The following FMN1 variants were observed in gnomAD, a reference collection of about 807,000 sequenced individuals.
The protein encoded by FMN1 is formin 1, also known as formin-1.
A neutral mutation model predicts 132.4 loss-of-function variants in FMN1; 110 were observed. The observed-to-expected ratio is 0.83, with a 90% confidence interval of 0.71 to 0.97. The LOEUF is 0.97. Among genes scored for constraint, FMN1 ranks in the 50% least tolerant of loss-of-function variants. The pLI is 0.00. For missense variants in FMN1, 1,792 were observed against 1,705.3 expected, an observed-to-expected ratio of 1.05 and a Z score of -0.90; for synonymous variants, 722 against 651.7, an observed-to-expected ratio of 1.11 and a Z score of -1.64.
intron 5 of FMN1, among the ~76,000 whole-genome samples, chr15:33,073,826 G>A (rs1432849852): frequency 1.3e-5 from 2 of 150,858 alleles, no homozygotes; most frequent in Non-Finnish European, 2.9e-5. Flanking sequence ...ACCTCCCCTT[G>A]CTCAAATGAT....
chr15:33,050,993 T>C (rs921419857), intron 6 of FMN1, among the ~76,000 whole-genome samples: 7 of 152,186 alleles, frequency 4.6e-5, no homozygotes, highest in African/African-American at 1.7e-4. Flanking sequence ...TGTGTGGAAA[T>C]ATTTTGTGAT....
chr15:32,848,252 T>C (rs2058907642), intron 17 of FMN1, among the ~76,000 whole-genome samples: 1 of 152,166 alleles, frequency 6.6e-6, no homozygotes, highest in Non-Finnish European at 1.5e-5. Context: ...ACTGAAGTGA[T>C]GATGGAAGCA....
At chr15:32,896,614 CTTTCAG>C (rs1436614122) in intron 15 of FMN1, among the ~76,000 whole-genome samples, 2 of 151,926 alleles carry the variant, frequency 1.3e-5, no homozygotes, top group Non-Finnish European at 2.9e-5. Context: ...CTTTCTGTTC[CTTTCAG>C]TTTGACTACT....
At chr15:33,073,233 C>T (rs984781350) in intron 5 of FMN1, among the ~76,000 whole-genome samples, 10 of 152,142 alleles carry the variant, frequency 6.6e-5, no homozygotes, top group African/African-American at 1.4e-4. Flanking sequence ...CAAACAGGAT[C>T]GCATCTCACT....
chr15:33,128,843 A>T (rs2085183), intron 4 of FMN1, among the ~76,000 whole-genome samples: 29,302 of 152,136 alleles, frequency 0.19, 3,439 homozygotes, highest in Middle Eastern at 0.28. Flanking sequence ...AATGCGGAAG[A>T]CAACCGGAGC....
intron 19 of FMN1, among the ~76,000 whole-genome samples, chr15:32,795,002 C>T (rs1051365265): frequency 1.3e-5 from 2 of 151,954 alleles, no homozygotes; most frequent in African/African-American, 4.8e-5. Flanking sequence ...TTGAGACCAG[C>T]CTGGGCAACA....
intron 8 of FMN1, among the ~76,000 whole-genome samples, chr15:32,968,088 A>T (rs1021096687): frequency 6.6e-6 from 1 of 152,234 alleles, no homozygotes; most frequent in African/African-American, 2.4e-5. Context: ...GCTTTCAGCT[A>T]TCCACATACT....
chr15:33,150,688 A>T (rs989573683), intron 4 of FMN1: 1 of 985,418 alleles, frequency 1.0e-6, no homozygotes, highest in Non-Finnish European at 1.2e-6. Flanking sequence ...CTGGAAACAG[A>T]TCTGATTACT....
chr15:33,104,059 C>T (rs952164776), intron 4 of FMN1, among the ~76,000 whole-genome samples: 1 of 151,956 alleles, frequency 6.6e-6, no homozygotes, highest in Admixed American at 6.6e-5. Context: ...AAAATCTGTA[C>T]TAAGAATAAA....
chr15:33,171,049 A>C (rs1350351247), intron 3 of FMN1, among the ~76,000 whole-genome samples: 1 of 152,218 alleles, frequency 6.6e-6, no homozygotes, highest in Non-Finnish European at 1.5e-5. Flanking sequence ...TCTGGCCATA[A>C]AAATAATGAA....
intron 4 of FMN1, among the ~76,000 whole-genome samples, chr15:33,097,683 G>A (rs1342466103): frequency 6.6e-6 from 1 of 152,086 alleles, no homozygotes; most frequent in Non-Finnish European, 1.5e-5. Flanking sequence ...AATGATAAAA[G>A]AGTCACTTCA....
chr15:33,170,728 C>CA (rs1281751616), intron 3 of FMN1, among the ~76,000 whole-genome samples: 4 of 151,562 alleles, frequency 2.6e-5, no homozygotes. Context: ...TAATAGCAGA[C>CA]AAAAAAATAA....
chr15:33,067,473 G>A (rs779457999), intron 5 of FMN1: 8 of 1,613,846 alleles, frequency 5.0e-6, no homozygotes, highest in African/African-American at 2.7e-5. Flanking sequence ...AGGGTCCCAC[G>A]AACACAAATG....
intron 16 of FMN1, among the ~76,000 whole-genome samples, chr15:32,887,260 T>G (rs1376340254): frequency 2.0e-5 from 3 of 152,192 alleles, no homozygotes; most frequent in African/African-American, 7.2e-5. Context: ...TTGAAGCCCT[T>G]CATTTCCTCA....
rs760918664 is a variant in FMN1, at chr15:33,064,954, T to G, written c.2161+3A>C. The G allele has an allele frequency of 6.2e-7, 1 of 1,601,382 alleles. No individual in the cohort carries two copies. The highest frequency in any genetic ancestry group is 1.1e-5 in the South Asian group (1 of 89,170). On this transcript the variant is annotated splice_donor_region_variant and intron_variant, in intron 6 of 20. Coordinates refer to ENST00000616417, the MANE Select transcript of FMN1 (RefSeq NM_001277313.2). ...CCGGGTCCCTAGCTTCCTTTCACAT[T>G]ACCTGCTTCAGTGTACTTCAGTCCC...
intron 6 of FMN1, 199 bp downstream of exon 6, chr15:33,064,758 A>G: frequency 1.2e-5 from 5 of 407,834 alleles, no homozygotes; most frequent in Non-Finnish European, 2.2e-5. Flanking sequence ...ATTCCACTGC[A>G]TTCATCTTTC....
intron 16 of FMN1, among the ~76,000 whole-genome samples, chr15:32,883,928 T>C (rs2059833047): frequency 6.6e-6 from 1 of 152,308 alleles, no homozygotes; most frequent in South Asian, 2.1e-4. Flanking sequence ...GTTTATTTGA[T>C]CATAGACTCT....
intron 4 of FMN1, among the ~76,000 whole-genome samples, chr15:33,092,216 ACTGAGGTTTTGCTGTC>A (rs2038928234): frequency 6.6e-6 from 1 of 152,216 alleles, no homozygotes; most frequent in Admixed American, 6.5e-5. Context: ...ACAACATCAG[ACTGAGGTTTTGCTGTC>A]AATTATCAAA....
At chr15:32,798,750 G>T in intron 19 of FMN1, 54 bp downstream of exon 19, 1 of 1,471,118 alleles carries the variant, frequency 6.8e-7, no homozygotes, top group Non-Finnish European at 9.3e-7. Context: ...AGGTTTAAGA[G>T]TGCAGTTTCC....
Sources: allele counts gnomAD v4.1 joint callset (sites outside exome capture counted in the v4.1 genomes callset), GRCh38; gene constraint gnomAD v4.1.1; transcripts MANE v1.5; gene names NCBI Gene and HGNC (gene_info 2026-07-23, HGNC 2026-07-21).